Variants in ANK3 observed in about 807,000 individuals in gnomAD.
ANK3 encodes the protein ankyrin 3.
Under a neutral mutation model 370.9 loss-of-function variants are expected in ANK3, and 57 were observed. That is an observed-to-expected ratio of 0.15 (90% CI 0.12 to 0.19). The LOEUF (loss-of-function observed/expected upper bound fraction) is 0.19. Ranked by LOEUF, ANK3 falls within the 10% of genes least tolerant of loss-of-function variation. ANK3 has a pLI of 1.00. For missense variants in ANK3, 4,439 were observed against 5,302.1 expected (o/e 0.84, Z 5.06); for synonymous variants, 1,929 against 1,946.3 (o/e 0.99, Z 0.23).
chr10:60,282,216 A>T (rs2098173744), intron 1 of ANK3, among the ~76,000 whole-genome samples: 1 of 152,208 alleles, frequency 6.6e-6, no homozygotes. Flanking sequence ...TAAGCATCCC[A>T]AACTCCAACA....
At chr10:60,581,413 T>A (rs1018559079) in intron 2 of ANK3, among the ~76,000 whole-genome samples, 1 of 137,510 alleles carries the variant, frequency 7.3e-6, no homozygotes, top group Non-Finnish European at 1.5e-5. Flanking sequence ...TCCAGGTATT[T>A]TGCCCTTTTT....
chr10:60,574,282 T>G (rs1360886559), intron 2 of ANK3, among the ~76,000 whole-genome samples: 3 of 152,164 alleles, frequency 2.0e-5, no homozygotes, highest in Non-Finnish European at 2.9e-5. Context: ...AGCATAGGGA[T>G]TCAAGTGACA....
chr10:60,069,463 T>G lies in ANK3; in HGVS notation c.11418A>C (p.Ile3806=). The part of the protein sequence containing the change: ...TIQTDNIMSN[I]VLTEHSAPTC... ...TGGGTGCAGAATGTTCTGTCAGAAC[T>G]ATATTACTCATAATGTTATCTGTCT... The change falls in exon 37 of 44, where the codon ATA becomes ATC. Residue 3806 remains isoleucine (I), a synonymous_variant. Transcript: ENST00000280772. 6.2e-7 allele frequency: 1 copy of G among 1,614,084 alleles called. No homozygotes were observed. The highest frequency in any genetic ancestry group is 8.5e-7 in the Non-Finnish European group (1 of 1,179,926).
At chr10:60,202,953 A>G (rs1210282531) in intron 12 of ANK3, 49 bp downstream of exon 12, 1 of 1,339,296 alleles carries the variant, frequency 7.5e-7, no homozygotes, top group Non-Finnish European at 1.0e-6. Context: ...CACCTTTGCC[A>G]GTTTATTAAA....
intron 41 of ANK3, 25 bp downstream of exon 41, chr10:60,059,315 T>G: frequency 6.3e-7 from 1 of 1,594,126 alleles, no homozygotes; most frequent in Non-Finnish European, 8.6e-7. Context: ...CTGTGTTCAC[T>G]TTCCTTTTTT....
intron 2 of ANK3, among the ~76,000 whole-genome samples, chr10:60,540,614 T>C (rs957015201): frequency 2.0e-5 from 3 of 151,910 alleles, no homozygotes; most frequent in African/African-American, 7.2e-5. Context: ...TGGATGAAGA[T>C]GGCCATGACA....
chr10:60,252,989 A>G (rs1157190943), intron 7 of ANK3, among the ~76,000 whole-genome samples: 1 of 152,198 alleles, frequency 6.6e-6, no homozygotes, highest in African/African-American at 2.4e-5. Context: ...ATTTCATTCA[A>G]TCATCACATT....
rs1372436451 is a variant in ANK3 at position 60,028,752 on chromosome 10, G to C, written c.*1094C>G. 1 of 152,356 alleles carries C rather than the reference G, an allele frequency of 6.6e-6. No homozygotes were observed. The highest frequency in any genetic ancestry group is 1.9e-4 in the East Asian group (1 of 5,178). 9.4% of individuals were successfully genotyped at this position (152,356 alleles called of 1,614,324 possible). On this transcript the variant is annotated 3_prime_UTR_variant, in exon 44 of 44. Transcript: ENST00000280772. ...GTCCTTTTTAAATACCCCCGACTGGGGCCTTTTATGAGCACCATCCACCTC... is the reference window on the plus strand; with the variant it reads ...GTCCTTTTTAAATACCCCCGACTGGCGCCTTTTATGAGCACCATCCACCTC...
intron 7 of ANK3, among the ~76,000 whole-genome samples, chr10:60,258,680 C>T (rs1199138430): frequency 6.6e-6 from 1 of 152,202 alleles, no homozygotes; most frequent in Admixed American, 6.5e-5. Context: ...TGTCATTCTT[C>T]CTCTTCCCCA....
In ANK3 at chr10:60,684,475, T is replaced by C. The variant is rs897072165; in HGVS notation, c.57+48788A>G. On this transcript the variant is annotated intron_variant, in intron 1 of 43. Coordinates refer to the ANK3 transcript ENST00000373827. ...CCTAAGGCAAGAAGTAGAAAGCGTT[T>C]CAATTTGGGACATTTATTTGCAGCT... The C allele has an allele frequency of 7.6e-6, 10 of 1,311,256 alleles. No individual in the cohort carries two copies. The Admixed American group carries it at 1.6e-4, about 21-fold the overall frequency. The allele number at this position is 1,311,256 out of a possible 1,614,324, so 81.2% of individuals were successfully genotyped here.
At chr10:60,367,394 G>A (rs929312940) in intron 1 of ANK3, among the ~76,000 whole-genome samples, 1 of 152,182 alleles carries the variant, frequency 6.6e-6, no homozygotes, top group African/African-American at 2.4e-5. Context: ...TATCTTTATA[G>A]GACTCTATGC....
intron 1 of ANK3, among the ~76,000 whole-genome samples, chr10:60,353,440 C>T (rs772314625): frequency 1.1e-4 from 17 of 152,152 alleles, no homozygotes; most frequent in Non-Finnish European, 2.1e-4. Context: ...TTGGTTACCC[C>T]TGCCTAACAC....
chr10:60,205,572 T>C (rs1389104901), intron 11 of ANK3, among the ~76,000 whole-genome samples: 1 of 152,208 alleles, frequency 6.6e-6, no homozygotes, highest in Non-Finnish European at 1.5e-5. Flanking sequence ...TTAGGTTACA[T>C]TTCTTGACAT....
Position 60,071,819 on chromosome 10 carries a change from T to G in ANK3, c.9062A>C (p.Glu3021Ala). The G allele has an allele frequency of 6.2e-7, 1 of 1,612,228 alleles. No individual in the cohort carries two copies. Among genetic ancestry groups the G allele is most frequent in the Non-Finnish European group, 8.5e-7 (1 of 1,178,990 alleles). The change falls in exon 37 of 44, where the codon GAA becomes GCA. Residue 3021 changes from glutamate (E) to alanine (A), a missense_variant. By Grantham distance (107) the Glu-to-Ala change is moderately radical. Transcript: ENST00000280772. ...CTGGTGTTTGGAAACTTTGCTGATTTCTGAATAGGTAACTTTTTCATCTTC... is the reference window on the plus strand; with the variant it reads ...CTGGTGTTTGGAAACTTTGCTGATTGCTGAATAGGTAACTTTTTCATCTTC... ...SIEDEKVTYSEISKVSKHQSY... is the reference protein window; with the variant it reads ...SIEDEKVTYSAISKVSKHQSY...
intron 1 of ANK3, among the ~76,000 whole-genome samples, chr10:60,341,699 G>A (rs980939955): frequency 9.9e-5 from 15 of 152,212 alleles, no homozygotes; most frequent in African/African-American, 3.6e-4. Flanking sequence ...TCTGTGTTTG[G>A]CATAGTGCTT....
intron 7 of ANK3, among the ~76,000 whole-genome samples, chr10:60,259,797 T>G (rs2097779487): frequency 6.6e-6 from 1 of 152,232 alleles, no homozygotes; most frequent in Non-Finnish European, 1.5e-5. Context: ...TAATGAGGTT[T>G]TATTATGCTA....
chr10:60,149,611 C>T (rs149124838), intron 23 of ANK3, among the ~76,000 whole-genome samples: 16 of 152,336 alleles, frequency 1.1e-4, no homozygotes, highest in African/African-American at 7.2e-5. Flanking sequence ...CTGTGACCTT[C>T]CCTACCTACA....
chr10:60,418,933 T>G (rs978922695), intron 2 of ANK3, among the ~76,000 whole-genome samples: 5 of 152,188 alleles, frequency 3.3e-5, no homozygotes, highest in South Asian at 4.1e-4. Flanking sequence ...TATATTCTTT[T>G]GAAGGCATAG....
intron 6 of ANK3, 57 bp downstream of exon 6, chr10:60,263,778 G>T: frequency 6.2e-7 from 1 of 1,600,504 alleles, no homozygotes; most frequent in Non-Finnish European, 8.5e-7. Context: ...TGCTCTTAAA[G>T]GTTGTGTGTC....
Sources: allele counts gnomAD v4.1 joint callset (sites outside exome capture counted in the v4.1 genomes callset), GRCh38; gene constraint gnomAD v4.1.1; transcripts MANE v1.5; gene names NCBI Gene and HGNC (gene_info 2026-07-23, HGNC 2026-07-21).